Variants in EFNA5 observed in about 807,000 individuals in gnomAD.
EFNA5 encodes ephrin A5.
A neutral mutation model predicts 22.9 loss-of-function variants in EFNA5; 5 were observed. That is an observed-to-expected ratio of 0.22 (90% CI 0.11 to 0.46). The LOEUF is 0.46. Among genes scored for constraint, EFNA5 ranks in the 20% least tolerant of loss-of-function variants. The pLI is 0.99. For synonymous variants in EFNA5, 113 were observed against 112.2 expected (o/e 1.01, Z -0.04); for missense variants, 237 against 293.3 (o/e 0.81, Z 1.40).
At chr5:107,608,655 C>T (rs1182163310) in intron 1 of EFNA5, among the ~76,000 whole-genome samples, 1 of 152,212 alleles carries the variant, frequency 6.6e-6, no homozygotes, top group Non-Finnish European at 1.5e-5. Context: ...TCAACTATAA[C>T]TTCATGGCTG....
intron 1 of EFNA5, among the ~76,000 whole-genome samples, chr5:107,455,017 A>G (rs1180933269): frequency 2.6e-5 from 4 of 152,160 alleles, no homozygotes; most frequent in Non-Finnish European, 5.9e-5. Context: ...ATAACACTAA[A>G]TGCAGATTTC....
intron 1 of EFNA5, among the ~76,000 whole-genome samples, chr5:107,552,150 G>T (rs887078842): frequency 6.6e-6 from 1 of 151,994 alleles, no homozygotes; most frequent in African/African-American, 2.4e-5. Context: ...CCACAACACT[G>T]CAAAACATGA....
intron 1 of EFNA5, among the ~76,000 whole-genome samples, chr5:107,587,769 G>A (rs527937478): frequency 2.0e-5 from 3 of 152,196 alleles, no homozygotes; most frequent in African/African-American, 7.2e-5. Flanking sequence ...CGCCCGCCTC[G>A]GCCTCCCAAA....
At chr5:107,432,965 TCTTC>T (rs1444021510) in intron 1 of EFNA5, among the ~76,000 whole-genome samples, 4 of 152,236 alleles carry the variant, frequency 2.6e-5, no homozygotes, top group African/African-American at 9.6e-5. Context: ...ATATATTTTC[TCTTC>T]CTTATGATTT....
At chr5:107,649,123 G>T (rs1580581238) in intron 1 of EFNA5, among the ~76,000 whole-genome samples, 3 of 152,098 alleles carry the variant, frequency 2.0e-5, no homozygotes, top group Admixed American at 2.0e-4. Context: ...CCACATCTCG[G>T]ATCTTCTAAG....
At chr5:107,581,584 C>G (rs561872191) in intron 1 of EFNA5, among the ~76,000 whole-genome samples, 1 of 152,214 alleles carries the variant, frequency 6.6e-6, no homozygotes, top group Admixed American at 6.5e-5. Flanking sequence ...AGAGCCTTCA[C>G]CGCCAGGCCC....
At chr5:107,521,821 T>C (rs760793321) in intron 1 of EFNA5, among the ~76,000 whole-genome samples, 1 of 151,328 alleles carries the variant, frequency 6.6e-6, no homozygotes, top group Admixed American at 6.6e-5. Context: ...TTATTGTATG[T>C]CTTTTTTTCT....
rs186991716 is a variant in EFNA5, at chr5:107,459,200, C to G, written c.126-31691G>C. On this transcript the variant is annotated intron_variant, in intron 1 of 4. Coordinates refer to ENST00000333274, the MANE Select transcript of EFNA5 (RefSeq NM_001962.3). Reference sequence around the variant, plus strand: ...CCTGAGGTCTGAAGTTTGAGACCAGCCTGGCCAACATGGCAAAACCCCATC... The same window carrying G: ...CCTGAGGTCTGAAGTTTGAGACCAGGCTGGCCAACATGGCAAAACCCCATC... Among the ~76,000 whole-genome samples the G allele has an allele frequency of 5.6e-3, 854 of 152,032 alleles. 4 individuals carry two copies. The highest frequency in any genetic ancestry group is 9.1e-3 in the South Asian group (44 of 4,814).
At chr5:107,528,440 A>G (rs1747743406) in intron 1 of EFNA5, among the ~76,000 whole-genome samples, 1 of 152,230 alleles carries the variant, frequency 6.6e-6, no homozygotes, top group Non-Finnish European at 1.5e-5. Flanking sequence ...TAATAACTTC[A>G]TAATATTAAA....
At position 107,426,114 on chromosome 5, in the gene EFNA5, GA is replaced by G. The variant is rs1426955881; in HGVS notation, c.418+1102del. On this transcript the variant is annotated intron_variant, in intron 2 of 4. Transcript: ENST00000333274. ...CCTATTTACATGTCTGCTCCCCAGT[GA>G]AAGGTCACTCCCTAAGAACAGGGAA... Among the ~76,000 whole-genome samples, 20 of 152,190 alleles carry G rather than the reference GA, an allele frequency of 1.3e-4. No individual in the cohort carries two copies. The South Asian group carries it at 4.1e-3, about 31-fold the overall frequency.
chr5:107,606,747 G>A (rs761422710), intron 1 of EFNA5, among the ~76,000 whole-genome samples: 6 of 152,012 alleles, frequency 3.9e-5, no homozygotes, highest in Non-Finnish European at 5.9e-5. Flanking sequence ...TGTAGTAGGC[G>A]CTCTATAAAT....
intron 1 of EFNA5, among the ~76,000 whole-genome samples, chr5:107,466,929 A>G (rs921645561): frequency 2.0e-5 from 3 of 152,196 alleles, no homozygotes; most frequent in Admixed American, 1.3e-4. Context: ...AATTGGGAAG[A>G]GCGTTAGGTT....
chr5:107,591,814 C>A (rs1749330366), intron 1 of EFNA5, among the ~76,000 whole-genome samples: 1 of 109,214 alleles, frequency 9.2e-6, no homozygotes, highest in East Asian at 2.3e-4. Flanking sequence ...AAGGGAGACT[C>A]CGTCTCAAAA....
intron 1 of EFNA5, among the ~76,000 whole-genome samples, chr5:107,461,836 T>C (rs1206793622): frequency 6.6e-6 from 1 of 152,160 alleles, no homozygotes; most frequent in Non-Finnish European, 1.5e-5. Flanking sequence ...AAAGCATCTG[T>C]AATTTATTCA....
chr5:107,422,236 GT>G (rs898090723), intron 2 of EFNA5, among the ~76,000 whole-genome samples: 36 of 152,306 alleles, frequency 2.4e-4, no homozygotes, highest in African/African-American at 8.7e-4. Flanking sequence ...TCGTAGTGCT[GT>G]TTTCAGATGG....
intron 1 of EFNA5, among the ~76,000 whole-genome samples, chr5:107,592,132 GAATA>G (rs1351546612): frequency 7.8e-6 from 1 of 127,850 alleles, no homozygotes; most frequent in Non-Finnish European, 1.6e-5. Flanking sequence ...AGAATATATA[GAATA>G]AATGAGTCAA....
chr5:107,610,948 G>A (rs1202727966), intron 1 of EFNA5, among the ~76,000 whole-genome samples: 2 of 152,120 alleles, frequency 1.3e-5, no homozygotes, highest in Non-Finnish European at 2.9e-5. Flanking sequence ...TGAGCCTCGC[G>A]TGCCAAGAAT....
chr5:107,513,400 T>A (rs1358096164), intron 1 of EFNA5, among the ~76,000 whole-genome samples: 2 of 152,172 alleles, frequency 1.3e-5, no homozygotes, highest in African/African-American at 4.8e-5. Context: ...ATTTGCTACC[T>A]GCCCCATTTC....
At chr5:107,641,033 CAGACAGAT>C (rs765385509) in intron 1 of EFNA5, among the ~76,000 whole-genome samples, 89 of 148,406 alleles carry the variant, frequency 6.0e-4, no homozygotes, top group African/African-American at 1.2e-3. Flanking sequence ...GACAGACAGA[CAGACAGAT>C]AGATAGATAG....
Sources: allele counts gnomAD v4.1 joint callset (sites outside exome capture counted in the v4.1 genomes callset), GRCh38; gene constraint gnomAD v4.1.1; transcripts MANE v1.5; gene names NCBI Gene and HGNC (gene_info 2026-07-23, HGNC 2026-07-21).